THRAP3: variants seen among roughly 807,000 people sequenced by gnomAD.
The protein encoded by THRAP3 is thyroid hormone receptor associated protein 3.
A neutral mutation model predicts 101.0 loss-of-function variants in THRAP3; 16 were observed. The observed-to-expected ratio is 0.16, with a 90% CI of 0.11 to 0.24. The LOEUF is 0.24. Among genes scored for constraint, THRAP3 ranks in the 10% least tolerant of loss-of-function variants. The pLI, the probability that THRAP3 is intolerant of heterozygous loss-of-function variation, is 1.00. For synonymous variants in THRAP3, 407 were observed against 422.6 expected, an observed-to-expected ratio of 0.96 and a Z score of 0.45; for missense variants, 989 against 1,202.7, an observed-to-expected ratio of 0.82 and a Z score of 2.63.
chr1:36,275,448 G>A lies in THRAP3; in HGVS notation c.-31-7085G>A, dbSNP rs369916899. Among the ~76,000 whole-genome samples the A allele has an allele frequency of 1.4e-3, 206 of 143,258 alleles. 1 individual carries two copies. Among genetic ancestry groups the A allele is most frequent in the African/African-American group, 4.5e-3 (174 of 38,382 alleles). The allele number at this position is 143,258 out of a possible 152,430, so 94.0% of individuals were successfully genotyped here. ...TAAAAATACAAAAAACTAGCCAGGCGTGGTGGTGGGCACCTGTAGTCCCAG... is the reference window on the plus strand; with the variant it reads ...TAAAAATACAAAAAACTAGCCAGGCATGGTGGTGGGCACCTGTAGTCCCAG... On this transcript the variant is annotated intron_variant, in intron 2 of 11. Coordinates refer to ENST00000354618, the MANE Select transcript of THRAP3 (RefSeq NM_005119.4).
At chr1:36,229,423 GTT>G (rs35936037) in intron 1 of THRAP3, among the ~76,000 whole-genome samples, 2 of 38,938 alleles carry the variant, frequency 5.1e-5, no homozygotes, top group African/African-American at 6.8e-5. Context: ...TTTTTTTTTT[GTT>G]TTTTTTTTTT....
At chr1:36,239,019 C>T (rs1270895158) in intron 1 of THRAP3, among the ~76,000 whole-genome samples, 1 of 151,800 alleles carries the variant, frequency 6.6e-6, no homozygotes, top group East Asian at 1.9e-4. Context: ...CTGCAAGCTC[C>T]GCCTCCTGGG....
intron 2 of THRAP3, among the ~76,000 whole-genome samples, chr1:36,261,757 A>T (rs976566803): frequency 5.3e-5 from 8 of 152,106 alleles, no homozygotes; most frequent in African/African-American, 1.9e-4. Flanking sequence ...GTTCTCCTTG[A>T]TTTCTTTTGT....
chr1:36,294,183 G>A (rs780678291), intron 8 of THRAP3: 1 of 1,252,448 alleles, frequency 8.0e-7, no homozygotes, highest in Non-Finnish European at 1.0e-6. Context: ...AAAAAGAGAG[G>A]AGTTTTGGAA....
chr1:36,260,619 G>A (rs971177852), intron 2 of THRAP3, among the ~76,000 whole-genome samples: 1 of 151,838 alleles, frequency 6.6e-6, no homozygotes, highest in African/African-American at 2.4e-5. Context: ...TCAGGAGATC[G>A]AGACCATCCT....
At chr1:36,239,959 T>C (rs1293487556) in intron 1 of THRAP3, among the ~76,000 whole-genome samples, 2 of 152,210 alleles carry the variant, frequency 1.3e-5, no homozygotes, top group East Asian at 3.8e-4. Flanking sequence ...CAGAATGACA[T>C]ATCCCTATGT....
intron 1 of THRAP3, among the ~76,000 whole-genome samples, chr1:36,238,568 A>G (rs1043725219): frequency 1.3e-5 from 2 of 152,146 alleles, no homozygotes; most frequent in African/African-American, 2.4e-5. Context: ...TTTTGGGGCT[A>G]TGGTAGGCAG....
chr1:36,280,928 TTTA>T (rs1187928729), intron 2 of THRAP3, among the ~76,000 whole-genome samples: 2 of 146,334 alleles, frequency 1.4e-5, no homozygotes, highest in African/African-American at 5.0e-5. Flanking sequence ...TTTATTTTTA[TTTA>T]TTTTTTTTTT....
intron 1 of THRAP3, among the ~76,000 whole-genome samples, chr1:36,250,977 G>A (rs915241707): frequency 8.6e-5 from 13 of 151,910 alleles, no homozygotes; most frequent in African/African-American, 2.9e-4. Context: ...GAACTCCTAA[G>A]CTCAAGTGAT....
At chr1:36,275,711 A>G (rs911041214) in intron 2 of THRAP3, among the ~76,000 whole-genome samples, 1 of 151,368 alleles carries the variant, frequency 6.6e-6, no homozygotes, top group African/African-American at 2.4e-5. Context: ...TGCTAGATCT[A>G]GATAGCCACA....
chr1:36,247,670 T>C (rs1275836767), intron 1 of THRAP3, among the ~76,000 whole-genome samples: 1 of 152,070 alleles, frequency 6.6e-6, no homozygotes, highest in Non-Finnish European at 1.5e-5. Context: ...ACAAGAAATA[T>C]GTGTACATTG....
Position 36,304,012 on chromosome 1 carries a change from G to A in THRAP3, c.2863G>A (p.Glu955Lys), listed in dbSNP as rs775519300. Residue 955 changes from glutamate to lysine, a missense_variant, in exon 12 of 12, where the codon GAG (glutamate) becomes AAG (lysine). Coordinates refer to ENST00000354618, the MANE Select transcript of THRAP3 (RefSeq NM_005119.4). The stretch of plus-strand genomic sequence containing the variant: ...GAAGGACAATATACAGCCCACAACC[G>A]AGTAGGGGCCACCCTTGACGGGATT... Reference protein sequence around the residue: ...EEKDNIQPTTE With the variant: ...EEKDNIQPTTK 4.5e-6 allele frequency: 7 copies of A among 1,538,882 alleles called. No individual in the cohort carries two copies. In the South Asian group the frequency reaches 5.0e-5, roughly 11 times the overall value.
chr1:36,287,334 A>G (rs1645809900), intron 4 of THRAP3, 64 bp downstream of exon 4: 1 of 1,490,820 alleles, frequency 6.7e-7, no homozygotes. Context: ...TTTAATTGTA[A>G]TGTGATCTAA....
chr1:36,224,344 C>A (rs1333552045), upstream of THRAP3: 1 of 152,318 alleles, frequency 6.6e-6, no homozygotes, highest in Non-Finnish European at 1.5e-5. Context: ...GCCAAGTCGG[C>A]CAGGAGAGGA....
chr1:36,299,219 G>A (rs976612541), intron 9 of THRAP3, among the ~76,000 whole-genome samples: 17 of 151,964 alleles, frequency 1.1e-4, no homozygotes, highest in Non-Finnish European at 1.9e-4. Flanking sequence ...GGTGGGTGGA[G>A]CATGAGGTCA....
chr1:36,224,690 G>A (rs1644939760), intron 1 of THRAP3, among the ~76,000 whole-genome samples, 185 bp downstream of exon 1: 1 of 151,862 alleles, frequency 6.6e-6, no homozygotes, highest in Non-Finnish European at 1.5e-5. Flanking sequence ...CCCCTTCCCC[G>A]CCCTTTAGGT....
intron 2 of THRAP3, among the ~76,000 whole-genome samples, chr1:36,270,730 A>G (rs1645580842): frequency 6.6e-6 from 1 of 151,668 alleles, no homozygotes; most frequent in African/African-American, 2.4e-5. Context: ...GGCATGCCCC[A>G]CCACGCCTAG....
intron 1 of THRAP3, among the ~76,000 whole-genome samples, chr1:36,243,918 G>A (rs1452314747): frequency 2.3e-5 from 3 of 132,924 alleles, no homozygotes; most frequent in Non-Finnish European, 4.9e-5. Flanking sequence ...CTGGCCGGGC[G>A]GGGGGCTGAC....
chr1:36,219,628 C>T (rs1033317452), upstream of THRAP3, among the ~76,000 whole-genome samples: 3 of 151,782 alleles, frequency 2.0e-5, no homozygotes, highest in Non-Finnish European at 4.4e-5. Flanking sequence ...CGGGGTTTCA[C>T]CACATTGGAG....
Sources: allele counts gnomAD v4.1 joint callset (sites outside exome capture counted in the v4.1 genomes callset), GRCh38; gene constraint gnomAD v4.1.1; transcripts MANE v1.5; gene names NCBI Gene and HGNC (gene_info 2026-07-23, HGNC 2026-07-21).